ZNF277: variants seen among roughly 807,000 people sequenced by gnomAD.
ZNF277 encodes zinc finger protein 277.
A neutral mutation model predicts 60.7 loss-of-function variants in ZNF277; 55 were observed. The ratio of observed to expected loss-of-function variants is 0.91; its 90% CI spans 0.73 to 1.13. The LOEUF is 1.13. ZNF277 is among the 50% of genes most tolerant of loss of function. The pLI is 0.00. For missense variants in ZNF277, 510 were observed against 523.0 expected, an observed-to-expected ratio of 0.98 and a Z score of 0.24; for synonymous variants, 178 against 179.3, an observed-to-expected ratio of 0.99 and a Z score of 0.06.
chr7:112,326,258 A>G (rs1376128379), intron 5 of ZNF277, among the ~76,000 whole-genome samples: 1 of 152,096 alleles, frequency 6.6e-6, no homozygotes, highest in Admixed American at 6.6e-5. Flanking sequence ...GATGTTAACT[A>G]TGGCTCGGCC....
chr7:112,328,177 C>T (rs1386951696), intron 6 of ZNF277: 2 of 160,188 alleles, frequency 1.2e-5, no homozygotes, highest in African/African-American at 4.8e-5. Context: ...CCCCAGAAAC[C>T]ACTATTCTTA....
At chr7:112,247,944 G>A (rs1218445051) in intron 1 of ZNF277, among the ~76,000 whole-genome samples, 2 of 147,562 alleles carry the variant, frequency 1.4e-5, no homozygotes, top group East Asian at 4.0e-4. Context: ...CTCTAGCCTG[G>A]GCAACAAGAT....
intron 1 of ZNF277, among the ~76,000 whole-genome samples, chr7:112,266,247 A>G (rs1170922075): frequency 2.6e-5 from 4 of 152,032 alleles, no homozygotes; most frequent in African/African-American, 9.7e-5. Context: ...CCTGGGTTCA[A>G]GGGATTCTGC....
intron 1 of ZNF277, among the ~76,000 whole-genome samples, chr7:112,251,131 T>C (rs1370145194): frequency 6.6e-6 from 1 of 152,180 alleles, no homozygotes; most frequent in Non-Finnish European, 1.5e-5. Context: ...AAAAACCAAC[T>C]TGAGGAAGAA....
chr7:112,335,157 G>T (rs906934807), intron 7 of ZNF277, among the ~76,000 whole-genome samples: 1 of 152,100 alleles, frequency 6.6e-6, no homozygotes, highest in Admixed American at 6.6e-5. Flanking sequence ...GTCCATAATT[G>T]AGTGAATTTT....
intron 1 of ZNF277, among the ~76,000 whole-genome samples, chr7:112,218,230 A>G (rs1821937626): frequency 6.6e-6 from 1 of 152,246 alleles, no homozygotes; most frequent in African/African-American, 2.4e-5. Context: ...TCAAAGTTTA[A>G]TCAGGTAACA....
chr7:112,228,454 CTTTTTTTT>C (rs71150013), intron 1 of ZNF277, among the ~76,000 whole-genome samples: 2 of 36,378 alleles, frequency 5.5e-5, no homozygotes, highest in African/African-American at 2.0e-4. Context: ...GAGGAGAGGC[CTTTTTTTT>C]TTTTTTTTTT....
intron 1 of ZNF277, among the ~76,000 whole-genome samples, chr7:112,211,837 T>C (rs779712778): frequency 1.1e-4 from 16 of 152,356 alleles, no homozygotes; most frequent in Non-Finnish European, 1.8e-4. Context: ...CAGTGGACAG[T>C]GAACTTCTTG....
intron 1 of ZNF277, among the ~76,000 whole-genome samples, chr7:112,285,560 G>C (rs545326779): frequency 4.7e-5 from 7 of 150,362 alleles, no homozygotes; most frequent in Admixed American, 4.0e-4. Context: ...TCAGCCTCCC[G>C]AGTAGTTGGG....
rs569258043 is a variant in ZNF277, at chr7:112,246,977, T to A, written c.92-39896T>A. Among the ~76,000 whole-genome samples, 44 of 152,290 alleles carry A rather than the reference T, an allele frequency of 2.9e-4. 1 individual carries two copies. Among genetic ancestry groups the A allele is most frequent in the Admixed American group, 2.4e-3 (36 of 15,302 alleles). On this transcript the variant is annotated intron_variant, in intron 1 of 11. Transcript: ENST00000361822. Reference sequence around the variant, plus strand: ...CTACCTGCTTTGAGTTATGTATTCATCTCTTGAAACTGCTTGCTCTTGCCA... The same window carrying A: ...CTACCTGCTTTGAGTTATGTATTCAACTCTTGAAACTGCTTGCTCTTGCCA...
chr7:112,286,789 A>G (rs1160339480), intron 1 of ZNF277, 84 bp from the exon 2 acceptor site: 2 of 1,134,152 alleles, frequency 1.8e-6, no homozygotes, highest in Non-Finnish European at 2.5e-6. Context: ...TTTTTAATGC[A>G]GGAGGTGGGA....
At chr7:112,281,838 AT>A (rs1212266449) in intron 1 of ZNF277, among the ~76,000 whole-genome samples, 1 of 151,770 alleles carries the variant, frequency 6.6e-6, no homozygotes, top group Non-Finnish European at 1.5e-5. Flanking sequence ...ATTTTTATTT[AT>A]TTTTTTCTTT....
chr7:112,314,649 A>G (rs929038939), intron 4 of ZNF277, among the ~76,000 whole-genome samples: 3 of 152,022 alleles, frequency 2.0e-5, no homozygotes, highest in African/African-American at 7.2e-5. Flanking sequence ...ACAGAAAATT[A>G]ACCGGGCATA....
chr7:112,314,279 C>T (rs940442037), intron 4 of ZNF277, among the ~76,000 whole-genome samples: 1 of 152,072 alleles, frequency 6.6e-6, no homozygotes, highest in African/African-American at 2.4e-5. Flanking sequence ...ATTCTTTCCA[C>T]TCACCACAAA....
intron 1 of ZNF277, among the ~76,000 whole-genome samples, chr7:112,238,627 T>A (rs1477619038): frequency 6.6e-6 from 1 of 151,894 alleles, no homozygotes; most frequent in African/African-American, 2.4e-5. Context: ...CATCACAGTT[T>A]GCAGCTCCCG....
At chr7:112,288,648 C>CA (rs1792125890) in intron 2 of ZNF277, 1 of 154,494 alleles carries the variant, frequency 6.5e-6, no homozygotes, top group Non-Finnish European at 1.5e-5. Flanking sequence ...CTGGCTGTGA[C>CA]ATCTGTCACC....
At chr7:112,276,442 G>A (rs1284871951) in intron 1 of ZNF277, among the ~76,000 whole-genome samples, 1 of 152,150 alleles carries the variant, frequency 6.6e-6, no homozygotes, top group Non-Finnish European at 1.5e-5. Flanking sequence ...ACCTAAAACA[G>A]AGTTTTCTTT....
At chr7:112,313,678 G>A (rs796159872) in intron 4 of ZNF277, among the ~76,000 whole-genome samples, 25 of 151,926 alleles carry the variant, frequency 1.6e-4, no homozygotes, top group African/African-American at 5.8e-4. Context: ...TAAATTTCTT[G>A]GAATAGTTTA....
chr7:112,269,107 T>C (rs980009737), intron 1 of ZNF277, among the ~76,000 whole-genome samples: 1 of 152,150 alleles, frequency 6.6e-6, no homozygotes, highest in Admixed American at 6.6e-5. Context: ...GTCATTAGTA[T>C]AGAACCATAT....
Sources: allele counts gnomAD v4.1 joint callset (sites outside exome capture counted in the v4.1 genomes callset), GRCh38; gene constraint gnomAD v4.1.1; transcripts MANE v1.5; gene names NCBI Gene and HGNC (gene_info 2026-07-23, HGNC 2026-07-21).